The following SLC4A4 variants were observed in gnomAD, a reference collection of about 807,000 sequenced individuals.
SLC4A4 encodes electrogenic sodium bicarbonate cotransporter 1.
A neutral mutation model predicts 111.5 loss-of-function variants in SLC4A4; 27 were observed. That is an observed-to-expected ratio of 0.24 (90% CI 0.18 to 0.33). The LOEUF is 0.33. SLC4A4 is among the 10% of genes least tolerant of loss of function. The probability of loss-of-function intolerance (pLI) is 1.00; values close to 1 mark genes in which losing one functional copy is unlikely to be tolerated. For synonymous variants in SLC4A4, 443 were observed against 463.4 expected, an observed-to-expected ratio of 0.96 and a Z score of 0.57; for missense variants, 909 against 1,315.5, an observed-to-expected ratio of 0.69 and a Z score of 4.78.
At chr4:71,181,162 C>A (rs1745279148) in intron 2 of SLC4A4, among the ~76,000 whole-genome samples, 2 of 135,538 alleles carry the variant, frequency 1.5e-5, no homozygotes, top group South Asian at 4.5e-4. Flanking sequence ...GGGAATTGAA[C>A]AATGAGAACA....
chr4:71,309,998 T>C (rs1326391981), intron 3 of SLC4A4, among the ~76,000 whole-genome samples: 1 of 151,904 alleles, frequency 6.6e-6, no homozygotes, highest in Admixed American at 6.6e-5. Flanking sequence ...AATGACCTGA[T>C]GGATCTGAGA....
At chr4:71,235,934 C>A in intron 1 of SLC4A4, 1 of 519,254 alleles carries the variant, frequency 1.9e-6, no homozygotes, top group Non-Finnish European at 2.5e-6. Context: ...ATTGTCGAAG[C>A]CGGGTTGCTG....
At chr4:71,102,846 G>C (rs1167935678) in intron 2 of SLC4A4, among the ~76,000 whole-genome samples, 11 of 151,718 alleles carry the variant, frequency 7.3e-5, no homozygotes, top group Non-Finnish European at 1.5e-4. Context: ...TCGAGACTAG[G>C]AAGAAACTGC....
intron 7 of SLC4A4, among the ~76,000 whole-genome samples, chr4:71,439,271 C>G (rs375108624): frequency 6.6e-6 from 1 of 150,506 alleles, no homozygotes; most frequent in African/African-American, 2.4e-5. Flanking sequence ...TACTAAAAGA[C>G]GAAAAAATTA....
chr4:71,252,025 T>C (rs959430772), intron 2 of SLC4A4, among the ~76,000 whole-genome samples: 58 of 152,308 alleles, frequency 3.8e-4, no homozygotes, highest in African/African-American at 1.4e-3. Flanking sequence ...GAACTTGCAG[T>C]CATTTTATGA....
intron 3 of SLC4A4, among the ~76,000 whole-genome samples, chr4:71,295,816 G>A (rs1187427963): frequency 6.6e-6 from 1 of 151,980 alleles, no homozygotes; most frequent in African/African-American, 2.4e-5. Context: ...ACACCACCAT[G>A]CCTGGCTAAT....
chr4:71,410,533 A>T (rs1378501115), intron 7 of SLC4A4, among the ~76,000 whole-genome samples: 2 of 152,160 alleles, frequency 1.3e-5, no homozygotes, highest in East Asian at 3.9e-4. Flanking sequence ...CTGTACTCCC[A>T]TTGTATCTAG....
chr4:71,241,600 G>A (rs908467169), intron 2 of SLC4A4, among the ~76,000 whole-genome samples: 1 of 152,108 alleles, frequency 6.6e-6, no homozygotes, highest in Non-Finnish European at 1.5e-5. Context: ...GATGGGCAGG[G>A]AGGGGCCAAG....
chr4:71,167,482 A>G (rs1744808776), intron 2 of SLC4A4, among the ~76,000 whole-genome samples: 1 of 152,230 alleles, frequency 6.6e-6, no homozygotes, highest in Non-Finnish European at 1.5e-5. Flanking sequence ...GCGAGGTCAC[A>G]TCAGAGAAGA....
At chr4:71,549,243 A>G (rs1735785808) in intron 20 of SLC4A4, among the ~76,000 whole-genome samples, 1 of 151,882 alleles carries the variant, frequency 6.6e-6, no homozygotes, top group Non-Finnish European at 1.5e-5. Context: ...TCTGCTGCCA[A>G]ATGCTTTATG....
intron 1 of SLC4A4, among the ~76,000 whole-genome samples, chr4:71,202,132 AC>A (rs1746284106): frequency 1.3e-5 from 2 of 152,326 alleles, no homozygotes; most frequent in South Asian, 4.1e-4. Context: ...AGAACATATA[AC>A]CAATACATAT....
At chr4:71,102,597 G>A (rs1427968613) in intron 2 of SLC4A4, among the ~76,000 whole-genome samples, 1 of 152,112 alleles carries the variant, frequency 6.6e-6, no homozygotes, top group Non-Finnish European at 1.5e-5. Flanking sequence ...CAAGCCAGAA[G>A]AGAGTGGGGG....
chr4:71,483,758 C>T (rs775200169), intron 14 of SLC4A4, among the ~76,000 whole-genome samples: 44 of 151,952 alleles, frequency 2.9e-4, no homozygotes, highest in Non-Finnish European at 5.3e-4. Flanking sequence ...CACTGTTTTC[C>T]ACAATGGTTG....
At chr4:71,306,025 A>C (rs961628049) in intron 3 of SLC4A4, among the ~76,000 whole-genome samples, 1 of 152,196 alleles carries the variant, frequency 6.6e-6, no homozygotes, top group African/African-American at 2.4e-5. Flanking sequence ...TCAGTAGTGA[A>C]TTGGATACTG....
At chr4:71,250,407 C>T (rs576616628) in intron 2 of SLC4A4, among the ~76,000 whole-genome samples, 3 of 152,244 alleles carry the variant, frequency 2.0e-5, no homozygotes, top group Non-Finnish European at 2.9e-5. Flanking sequence ...AAATCTGGAA[C>T]ATCCCTCAGT....
At chr4:71,463,252 T>G (rs1727006046) in intron 12 of SLC4A4, among the ~76,000 whole-genome samples, 1 of 152,198 alleles carries the variant, frequency 6.6e-6, no homozygotes, top group African/African-American at 2.4e-5. Context: ...AATGCCTTTA[T>G]GAGTTATGGC....
chr4:71,321,602 A>G (rs1727125593), intron 3 of SLC4A4, among the ~76,000 whole-genome samples: 1 of 151,922 alleles, frequency 6.6e-6, no homozygotes, highest in Admixed American at 6.6e-5. Context: ...GAAATCCACC[A>G]TCAAGGTTCT....
At chr4:71,152,933 C>CAT (rs1441951428) in intron 2 of SLC4A4, among the ~76,000 whole-genome samples, 3 of 148,610 alleles carry the variant, frequency 2.0e-5, no homozygotes, top group South Asian at 2.1e-4. Flanking sequence ...GTATATATCA[C>CAT]ATATATATAT....
At chr4:71,205,321 T>G (rs1717682680) in intron 1 of SLC4A4, among the ~76,000 whole-genome samples, 1 of 152,202 alleles carries the variant, frequency 6.6e-6, no homozygotes, top group African/African-American at 2.4e-5. Context: ...TGGTGATTAT[T>G]TCTGATGAAT....
Sources: allele counts gnomAD v4.1 joint callset (sites outside exome capture counted in the v4.1 genomes callset), GRCh38; gene constraint gnomAD v4.1.1; transcripts MANE v1.5; gene names NCBI Gene and HGNC (gene_info 2026-07-23, HGNC 2026-07-21).